Variants in SMIM20 observed in about 807,000 individuals in gnomAD.
SMIM20 encodes mitochondrial translation regulation assembly intermediate of cytochrome c oxidase protein of 7 kDa.
Under a neutral mutation model 8.7 loss-of-function variants are expected in SMIM20, and 3 were observed. The ratio of observed to expected loss-of-function variants is 0.34; its 90% CI spans 0.16 to 0.89. SMIM20 has a LOEUF of 0.89. Among genes scored for constraint, SMIM20 ranks in the 40% least tolerant of loss-of-function variants. The probability of loss-of-function intolerance (pLI) is 0.49; values close to 1 mark genes in which losing one functional copy is unlikely to be tolerated. For missense variants in SMIM20, 85 were observed against 84.8 expected, an observed-to-expected ratio of 1.00 and a Z score of -0.01; for synonymous variants, 44 against 33.6, an observed-to-expected ratio of 1.31 and a Z score of -1.07.
chr4:25,914,282 C>A lies in SMIM20; in HGVS notation c.-32C>A. The A allele has an allele frequency of 1.3e-6, 2 of 1,531,958 alleles. No homozygotes were observed. The highest frequency in any genetic ancestry group is 2.4e-5 in the South Asian group (2 of 82,862). 94.9% of individuals were successfully genotyped at this position (1,531,958 alleles called of 1,614,324 possible). On this transcript the variant is annotated 5_prime_UTR_variant, in exon 1 of 3. Coordinates refer to ENST00000506197, the MANE Select transcript of SMIM20 (RefSeq NM_001145432.3). ...CTGGTTTCCGAGAGTGCCGGGCGGT[C>A]GGCGGGTCAGGGCAGCCCGGGGCCT... is the stretch of plus-strand genomic sequence containing the variant.
At chr4:25,915,953 G>A (rs1471863468) in intron 1 of SMIM20, among the ~76,000 whole-genome samples, 2 of 151,410 alleles carry the variant, frequency 1.3e-5, no homozygotes, top group African/African-American at 4.9e-5. Flanking sequence ...AGACCCCCAT[G>A]ACAAAGAATT....
At chr4:25,921,551 T>C (rs1311962708) in intron 1 of SMIM20, among the ~76,000 whole-genome samples, 1 of 152,188 alleles carries the variant, frequency 6.6e-6, no homozygotes, top group Non-Finnish European at 1.5e-5. Context: ...AGTTTGCTTT[T>C]GGGCATTTGG....
In SMIM20 at chr4:25,929,361, C is replaced by A; in HGVS notation, c.*170C>A. On this transcript the variant is annotated 3_prime_UTR_variant, in exon 3 of 3. Coordinates refer to ENST00000506197, the MANE Select transcript of SMIM20 (RefSeq NM_001145432.3). The stretch of plus-strand genomic sequence containing the variant: ...GACTGTGCACAAGGATTAATATTTC[C>A]CTTCTTAAGTATCAAAAGAACTCTG... 1 of 594,664 alleles carries A rather than the reference C, an allele frequency of 1.7e-6. No homozygotes were observed. The highest frequency in any genetic ancestry group is 2.8e-6 in the Non-Finnish European group (1 of 357,942). 36.8% of individuals were successfully genotyped at this position (594,664 alleles called of 1,614,324 possible). A position where few individuals can be genotyped will look rare whatever the true frequency, so the allele number is the denominator to read the frequency against.
chr4:25,928,242 C>A, intron 1 of SMIM20, 71 bp from the exon 2 acceptor site: 1 of 1,423,252 alleles, frequency 7.0e-7, no homozygotes, highest in Non-Finnish European at 9.6e-7. Flanking sequence ...TGTCATTGGC[C>A]CATGTAAATA....
At chr4:25,921,412 G>C (rs1009732509) in intron 1 of SMIM20, among the ~76,000 whole-genome samples, 3 of 152,170 alleles carry the variant, frequency 2.0e-5, no homozygotes, top group Admixed American at 6.5e-5. Flanking sequence ...GTCTGTGGCT[G>C]ATTAGCCACG....
intron 1 of SMIM20, among the ~76,000 whole-genome samples, chr4:25,927,754 G>A (rs554219921): frequency 2.8e-4 from 43 of 152,282 alleles, no homozygotes; most frequent in African/African-American, 8.4e-4. Context: ...AGTTGCTGTC[G>A]CTACAATGTG....
chr4:25,918,206 T>C (rs909010525), intron 1 of SMIM20, among the ~76,000 whole-genome samples: 2 of 152,060 alleles, frequency 1.3e-5, no homozygotes, highest in Non-Finnish European at 2.9e-5. Context: ...CCTCCCAAAG[T>C]GCTGGGATTA....
Position 25,928,348 on chromosome 4 carries a change from C to G in SMIM20, c.145C>G (p.Gln49Glu). 1 of 1,548,886 alleles carries G rather than the reference C, an allele frequency of 6.5e-7. No individual in the cohort carries two copies. The highest frequency in any genetic ancestry group is 8.7e-7 in the Non-Finnish European group (1 of 1,145,976). The change falls in exon 2 of 3, where the codon CAA becomes GAA. Residue 49 changes from glutamine (Q) to glutamate (E), a missense_variant. By Grantham distance (29) the Gln-to-Glu change is conservative (BLOSUM62 2). Coordinates refer to ENST00000506197, the MANE Select transcript of SMIM20 (RefSeq NM_001145432.3). ...AGCTATAAATCGGGCTGGAATTGTT[C>G]AAGAGGATGTGCAGCCACCAGGTAA... ...EQAINRAGIV[Q>E]EDVQPPGLKV...
At chr4:25,929,099 A>T in intron 2 of SMIM20, 55 bp from the exon 3 acceptor site, 1 of 1,543,190 alleles carries the variant, frequency 6.5e-7, no homozygotes. Flanking sequence ...GGGTGGAGGA[A>T]AGTGGAAGGA....
At chr4:25,919,327 C>T (rs1560387034) in intron 1 of SMIM20, among the ~76,000 whole-genome samples, 1 of 152,036 alleles carries the variant, frequency 6.6e-6, no homozygotes, top group South Asian at 2.1e-4. Context: ...TTATTTTTCT[C>T]ACCTCATTTT....
At chr4:25,918,222 G>A (rs867075984) in intron 1 of SMIM20, among the ~76,000 whole-genome samples, 10 of 151,952 alleles carry the variant, frequency 6.6e-5, no homozygotes, top group African/African-American at 1.7e-4. Context: ...GATTACAGGC[G>A]TGAGCCACCG....
At chr4:25,917,946 G>GTT (rs537806550) in intron 1 of SMIM20, among the ~76,000 whole-genome samples, 153 of 127,974 alleles carry the variant, frequency 1.2e-3, no homozygotes, top group South Asian at 2.0e-3. Context: ...TTTTTTTTTT[G>GTT]TTTTTTTTTT....
chr4:25,924,413 A>G (rs1719251058), intron 1 of SMIM20, among the ~76,000 whole-genome samples: 1 of 152,182 alleles, frequency 6.6e-6, no homozygotes, highest in South Asian at 2.1e-4. Context: ...CAGAGGTTGC[A>G]GTGAGCCGAG....
chr4:25,914,844 A>G (rs1219427602), intron 1 of SMIM20, among the ~76,000 whole-genome samples: 1 of 152,212 alleles, frequency 6.6e-6, no homozygotes, highest in African/African-American at 2.4e-5. Context: ...CATTTTACAA[A>G]TGAGGGAACT....
chr4:25,923,948 C>T (rs935827531), intron 1 of SMIM20, among the ~76,000 whole-genome samples: 4 of 152,216 alleles, frequency 2.6e-5, no homozygotes, highest in Admixed American at 1.3e-4. Flanking sequence ...GAGTGCAGTG[C>T]TTCAAGTGGC....
Position 25,914,418 on chromosome 4 carries a change from G to A in SMIM20, c.105G>A (p.Glu35=). The A allele has an allele frequency of 6.7e-7, 1 of 1,496,594 alleles. No homozygotes were observed. 92.7% of individuals were successfully genotyped at this position (1,496,594 alleles called of 1,614,324 possible). A position where few individuals can be genotyped will look rare whatever the true frequency, so the allele number is the denominator to read the frequency against. ...IYFRPLMRLE[E]YKKEQAINRA... The stretch of plus-strand genomic sequence containing the variant: ...TCCGGCCCCTAATGAGATTGGAGGA[G>A]TACAGTGAGTGATCTCTAACCCCTT... The change falls in exon 1 of 3, where the codon GAG becomes GAA. Residue 35 remains glutamate, a synonymous_variant. Transcript: ENST00000506197.
At chr4:25,921,538 G>A (rs2109364209) in intron 1 of SMIM20, among the ~76,000 whole-genome samples, 1 of 152,332 alleles carries the variant, frequency 6.6e-6, no homozygotes, top group Non-Finnish European at 1.5e-5. Flanking sequence ...GAAAAGACAA[G>A]TTAGTTTGCT....
rs779141256 is a variant in SMIM20 at position 25,914,258 on chromosome 4, T to C, written c.-56T>C. The stretch of plus-strand genomic sequence containing the variant: ...GGTCACGGCCCGGCCGTCGGTAACC[T>C]GGTTTCCGAGAGTGCCGGGCGGTCG... On this transcript the variant is annotated 5_prime_UTR_variant, in exon 1 of 3. Coordinates refer to ENST00000506197, the MANE Select transcript of SMIM20 (RefSeq NM_001145432.3). 6.6e-7 allele frequency: 1 copy of C among 1,519,832 alleles called. No individual in the cohort carries two copies. Among genetic ancestry groups the C allele is most frequent in the South Asian group, 1.2e-5 (1 of 81,824 alleles). 94.1% of individuals were successfully genotyped at this position (1,519,832 alleles called of 1,614,324 possible).
At chr4:25,926,548 A>G (rs891806614) in intron 1 of SMIM20, among the ~76,000 whole-genome samples, 4 of 152,256 alleles carry the variant, frequency 2.6e-5, no homozygotes, top group African/African-American at 9.6e-5. Context: ...GCAATTAGCA[A>G]GAAAGTGTGA....
Sources: gnomAD v4.1 joint callset for allele counts (sites outside exome capture counted in the v4.1 genomes callset) on GRCh38, gnomAD v4.1.1 for gene constraint, MANE v1.5 for transcripts, NCBI Gene and HGNC (gene_info 2026-07-23, HGNC 2026-07-21) for gene names.